Variants in WDFY4 observed in about 807,000 individuals in gnomAD.
The protein encoded by WDFY4 is WD repeat- and FYVE domain-containing protein 4.
A neutral mutation model predicts 351.9 loss-of-function variants in WDFY4; 169 were observed. The observed-to-expected ratio is 0.48, with a 90% CI of 0.42 to 0.55. The LOEUF is 0.55. WDFY4 is among the 20% of genes least tolerant of loss of function. WDFY4 has a pLI of 0.00. For synonymous variants in WDFY4, 1,622 were observed against 1,574.6 expected (o/e 1.03, Z -0.71); for missense variants, 3,803 against 3,935.6 (o/e 0.97, Z 0.90).
intron 9 of WDFY4, among the ~76,000 whole-genome samples, chr10:48,733,130 G>A (rs1291179913): frequency 1.3e-5 from 2 of 152,218 alleles, no homozygotes; most frequent in South Asian, 2.1e-4. Flanking sequence ...CTTTTCAGCA[G>A]CCTAACATTG....
At chr10:48,822,775 C>A (rs185490921) in intron 35 of WDFY4, among the ~76,000 whole-genome samples, 2 of 152,244 alleles carry the variant, frequency 1.3e-5, no homozygotes, top group African/African-American at 2.4e-5. Context: ...CAGCTCCCTG[C>A]ACTTGCACCT....
Position 48,720,038 on chromosome 10 carries a change from T to C in WDFY4, c.262T>C (p.Cys88Arg). ...CTGGGAACACTCCGTGGGGATCATCTGCTTTCCCAGTCTCCAAAGGCTGGC... is the reference window on the plus strand; with the variant it reads ...CTGGGAACACTCCGTGGGGATCATCCGCTTTCCCAGTCTCCAAAGGCTGGC... ...KAWEHSVGII[C>R]FPSLQRLAED... is the part of the protein sequence containing the mutation. The change falls in exon 3 of 62, where the codon TGC becomes CGC. Residue 88 changes from cysteine (C) to arginine (R), a missense_variant. Transcript: ENST00000325239. The C allele has an allele frequency of 6.4e-7, 1 of 1,551,788 alleles. No homozygotes were observed. Among genetic ancestry groups the C allele is most frequent in the South Asian group, 1.2e-5 (1 of 84,068 alleles).
chr10:48,692,733 A>C (rs1328040088), intron 1 of WDFY4, among the ~76,000 whole-genome samples: 1 of 152,210 alleles, frequency 6.6e-6, no homozygotes, highest in Admixed American at 6.5e-5. Flanking sequence ...TGTGCCAGCC[A>C]AGGGCTTTCA....
rs570195225 is a variant in WDFY4, at chr10:48,955,577, GC to G, written c.7978-1548del. 4.8e-3 allele frequency among the ~76,000 whole-genome samples: 719 copies of G among 151,322 alleles called. 10 individuals are homozygous for G. The highest frequency in any genetic ancestry group is 0.017 in the African/African-American group (694 of 40,572). ...CCTGTGGAGTTGCATCCATGGGTTTGCCCCAGTTCTGCCATTCACTGCCTTG... is the reference window on the plus strand; with the variant it reads ...CCTGTGGAGTTGCATCCATGGGTTTGCCCAGTTCTGCCATTCACTGCCTTG... On this transcript the variant is annotated intron_variant, in intron 51 of 61. Transcript: ENST00000325239.
intron 54 of WDFY4, among the ~76,000 whole-genome samples, chr10:48,965,182 C>T (rs1029416803): frequency 6.6e-6 from 1 of 152,216 alleles, no homozygotes; most frequent in African/African-American, 2.4e-5. Flanking sequence ...CATGTCCTGC[C>T]TCATGTACTC....
At chr10:48,944,619 T>C (rs1840948004) in intron 49 of WDFY4, among the ~76,000 whole-genome samples, 1 of 152,194 alleles carries the variant, frequency 6.6e-6, no homozygotes, top group Admixed American at 6.5e-5. Flanking sequence ...CTTTGTGACC[T>C]CTCATCCCTT....
At chr10:48,776,597 C>T (rs1231078132) in intron 15 of WDFY4, among the ~76,000 whole-genome samples, 153 bp from the exon 16 acceptor site, 1 of 152,196 alleles carries the variant, frequency 6.6e-6, no homozygotes, top group African/African-American at 2.4e-5. Flanking sequence ...GGGCTGGGGG[C>T]CAGGGAGCCA....
rs753685603 is a variant in WDFY4, at chr10:48,981,462, G to A, written c.9472G>A (p.Ala3158Thr). The A allele has an allele frequency of 5.2e-6, 8 of 1,551,526 alleles. No individual in the cohort carries two copies. The highest frequency in any genetic ancestry group is 4.9e-5 in the East Asian group (2 of 40,920). The change falls in exon 61 of 62, where the codon GCT becomes ACT. Residue 3158 changes from alanine to threonine, a missense_variant. By Grantham distance (58) the Ala-to-Thr change is moderately conservative. Transcript: ENST00000325239. ...CAGCAAAACCAGCCCCGCAGTGACT[G>A]CTCTGGCCGTGTCCAGGTAAGCGCG... Reference protein sequence around the residue: ...KPSKTSPAVTALAVSRNHTKL... With the variant: ...KPSKTSPAVTTLAVSRNHTKL...
rs761894438 is a variant in WDFY4, at chr10:48,803,351, A to G, written c.4476A>G (p.Gln1492=). ...SLFSHLLEIL[Q]SPREGPRNAE... ...TTTCCCATCTTTTGGAAATCCTTCA[A>G]TCACCAAGGTAGGCTGGGTCTTGGC... The change falls in exon 25 of 62, where the codon CAA becomes CAG. Residue 1492 remains glutamine (Q), a synonymous_variant. Transcript: ENST00000325239. 72 of 1,551,812 alleles carry G rather than the reference A, an allele frequency of 4.6e-5. No homozygotes were observed. Among genetic ancestry groups the G allele is most frequent in the Non-Finnish European group, 5.9e-5 (68 of 1,147,070 alleles).
chr10:48,819,605 T>C (rs1406558230), intron 32 of WDFY4, among the ~76,000 whole-genome samples: 4 of 152,220 alleles, frequency 2.6e-5, no homozygotes, highest in African/African-American at 9.6e-5. Flanking sequence ...TGGACGTATC[T>C]GGGGTAATGA....
At chr10:48,893,263 G>A (rs1193299381) in intron 44 of WDFY4, among the ~76,000 whole-genome samples, 4 of 152,200 alleles carry the variant, frequency 2.6e-5, no homozygotes, top group South Asian at 2.1e-4. Context: ...CACCAGTCAG[G>A]TTGGATTTGG....
chr10:48,937,210 C>T (rs192273897), intron 47 of WDFY4, among the ~76,000 whole-genome samples: 150 of 152,272 alleles, frequency 9.9e-4, no homozygotes, highest in Non-Finnish European at 1.9e-3. Context: ...AGATTTTTAA[C>T]GTATGTACAG....
chr10:48,809,280 C>A (rs2067364210), intron 28 of WDFY4, among the ~76,000 whole-genome samples: 1 of 149,524 alleles, frequency 6.7e-6, no homozygotes, highest in African/African-American at 2.5e-5. Flanking sequence ...ATCACCACAA[C>A]ATTAATCGCC....
At chr10:48,982,033 C>T (rs1842830348) in intron 61 of WDFY4, among the ~76,000 whole-genome samples, 1 of 152,206 alleles carries the variant, frequency 6.6e-6, no homozygotes, top group Admixed American at 6.5e-5. Flanking sequence ...GGACTTCCTT[C>T]CTCCCTCACT....
chr10:48,796,296 A>G lies in WDFY4; in HGVS notation c.4258-2A>G. On this transcript the variant is annotated splice_acceptor_variant, in intron 23 of 61. Transcript: ENST00000325239. LOFTEE classifies it high-confidence loss of function. ...GAAACTGCTTTGTGTTAACCTTTTCAGATAATGGCGTTTCTCCTGAGGAAG... is the reference window on the plus strand; with the variant it reads ...GAAACTGCTTTGTGTTAACCTTTTCGGATAATGGCGTTTCTCCTGAGGAAG... The G allele has an allele frequency of 3.2e-6, 5 of 1,551,260 alleles. No homozygotes were observed. The highest frequency in any genetic ancestry group is 4.4e-6 in the Non-Finnish European group (5 of 1,146,668).
At chr10:48,777,316 C>T (rs1015385548) in intron 16 of WDFY4, 103 bp from the exon 17 acceptor site, 20 of 1,117,530 alleles carry the variant, frequency 1.8e-5, no homozygotes, top group Admixed American at 4.0e-5. Context: ...GTTACAGTGC[C>T]GGCAGGAGGG....
chr10:48,794,933 T>G (rs576684476), intron 23 of WDFY4, among the ~76,000 whole-genome samples: 1 of 152,072 alleles, frequency 6.6e-6, no homozygotes, highest in Non-Finnish European at 1.5e-5. Context: ...TTTCTAGAAG[T>G]TTGCCTATGA....
At chr10:48,836,305 T>C (rs2068391554) in intron 39 of WDFY4, among the ~76,000 whole-genome samples, 1 of 152,124 alleles carries the variant, frequency 6.6e-6, no homozygotes, top group Non-Finnish European at 1.5e-5. Flanking sequence ...CCGTTATTGG[T>C]TTTTCCCTAA....
At chr10:48,714,264 C>T (rs2063839392) in intron 2 of WDFY4, among the ~76,000 whole-genome samples, 1 of 152,218 alleles carries the variant, frequency 6.6e-6, no homozygotes, top group African/African-American at 2.4e-5. Context: ...TCTGGTTTGT[C>T]TTTCCTTATT....
Sources: gnomAD v4.1 joint callset for allele counts (sites outside exome capture counted in the v4.1 genomes callset) on GRCh38, gnomAD v4.1.1 for gene constraint, MANE v1.5 for transcripts, NCBI Gene and HGNC (gene_info 2026-07-23, HGNC 2026-07-21) for gene names.